ITCH: variants seen among roughly 807,000 people sequenced by gnomAD.
ITCH encodes the protein E3 ubiquitin-protein ligase Itchy homolog.
A neutral mutation model predicts 126.8 loss-of-function variants in ITCH; 28 were observed. The observed-to-expected ratio is 0.22, with a 90% CI of 0.16 to 0.30. The LOEUF (loss-of-function observed/expected upper bound fraction) is 0.30, where lower values mean the gene tolerates loss of function less well. Ranked by LOEUF, ITCH falls within the 10% of genes least tolerant of loss-of-function variation. The pLI, the probability that ITCH is intolerant of heterozygous loss-of-function variation, is 1.00. For missense variants in ITCH, 631 were observed against 1,032.4 expected (o/e 0.61, Z 5.33); for synonymous variants, 342 against 340.0 (o/e 1.01, Z -0.06).
At chr20:34,387,281 C>G (rs887102252) in intron 2 of ITCH, among the ~76,000 whole-genome samples, 1 of 148,174 alleles carries the variant, frequency 6.7e-6, no homozygotes, top group African/African-American at 2.5e-5. Context: ...CCAGCCTGGG[C>G]GACACAGTGA....
chr20:34,379,535 C>G (rs895583250), intron 2 of ITCH, among the ~76,000 whole-genome samples: 1 of 151,684 alleles, frequency 6.6e-6, no homozygotes, highest in African/African-American at 2.4e-5. Context: ...TTTTCTGTCT[C>G]TGTGAATTTA....
At chr20:34,454,977 C>T (rs531550834) in intron 12 of ITCH, among the ~76,000 whole-genome samples, 2 of 151,744 alleles carry the variant, frequency 1.3e-5, no homozygotes, top group South Asian at 4.2e-4. Flanking sequence ...TTACAGATGC[C>T]CACCACCATG....
chr20:34,476,069 G>A, intron 16 of ITCH: 2 of 1,137,850 alleles, frequency 1.8e-6, no homozygotes, highest in East Asian at 2.3e-5. Context: ...TCGAGCATGT[G>A]ATTCTCCTCA....
intron 3 of ITCH, chr20:34,402,593 T>A: frequency 1.5e-6 from 1 of 667,624 alleles, no homozygotes; most frequent in Non-Finnish European, 2.8e-6. Context: ...ATAATTGTTA[T>A]TGCATAGTTG....
chr20:34,401,729 ACT>A, intron 3 of ITCH: 2 of 656,366 alleles, frequency 3.0e-6, no homozygotes, highest in Non-Finnish European at 1.9e-6. Context: ...AAAAAAAAAG[ACT>A]GAAAAACAAA....
chr20:34,413,490 A>G (rs1979347960), intron 5 of ITCH, among the ~76,000 whole-genome samples: 1 of 152,158 alleles, frequency 6.6e-6, no homozygotes, highest in South Asian at 2.1e-4. Context: ...GATGGAATGA[A>G]CATAATAAAC....
At chr20:34,383,000 C>T (rs1191541877) in intron 2 of ITCH, among the ~76,000 whole-genome samples, 1 of 151,980 alleles carries the variant, frequency 6.6e-6, no homozygotes, top group Non-Finnish European at 1.5e-5. Flanking sequence ...CCTCGGCCTC[C>T]CAAAATGCTG....
At position 34,369,195 on chromosome 20, in the gene ITCH, G is replaced by A. The variant is rs1157945603; in HGVS notation, c.-98-199G>A. ...ATACGAAAGTTAGCCAGGCGTGGGG[G>A]TGCACGCCCGTAGTGTAGTCCCAGC... On this transcript the variant is annotated intron_variant, in intron 1 of 24. Coordinates refer to ENST00000374864, the MANE Select transcript of ITCH (RefSeq NM_031483.7). Among the ~76,000 whole-genome samples the A allele has an allele frequency of 2.0e-5, 3 of 152,098 alleles. No homozygotes were observed. The South Asian group carries it at 6.2e-4, about 32-fold the overall frequency.
intron 2 of ITCH, among the ~76,000 whole-genome samples, chr20:34,383,089 G>T (rs974547273): frequency 6.6e-6 from 1 of 151,316 alleles, no homozygotes; most frequent in African/African-American, 2.4e-5. Context: ...TTGCTCAGCC[G>T]GGAATGCAGT....
intron 3 of ITCH, among the ~76,000 whole-genome samples, chr20:34,408,416 T>C (rs1437407034): frequency 3.3e-5 from 5 of 152,198 alleles, no homozygotes; most frequent in African/African-American, 1.2e-4. Context: ...GGACTTTTGA[T>C]ACCATGGAAT....
intron 20 of ITCH, among the ~76,000 whole-genome samples, chr20:34,483,873 A>G (rs577786075): frequency 3.3e-5 from 5 of 152,340 alleles, no homozygotes; most frequent in Non-Finnish European, 7.3e-5. Context: ...ATGGACTTAC[A>G]GTTCCACATG....
intron 7 of ITCH, among the ~76,000 whole-genome samples, chr20:34,430,995 G>T (rs1359858179): frequency 6.6e-6 from 1 of 152,184 alleles, no homozygotes; most frequent in African/African-American, 2.4e-5. Context: ...ACAGGACTTA[G>T]ATACTGAGTG....
chr20:34,464,730 A>G (rs905048101), intron 14 of ITCH, among the ~76,000 whole-genome samples: 14 of 149,132 alleles, frequency 9.4e-5, no homozygotes, highest in African/African-American at 2.7e-4. Flanking sequence ...TTTTTTTTGT[A>G]GATAGAGTCT....
intron 7 of ITCH, among the ~76,000 whole-genome samples, chr20:34,426,884 C>T (rs1054567150): frequency 1.3e-3 from 192 of 152,116 alleles, no homozygotes; most frequent in African/African-American, 4.0e-3. Context: ...AAGCAATTCT[C>T]CTGGCTCAGC....
chr20:34,432,551 A>G (rs921655432), intron 7 of ITCH, among the ~76,000 whole-genome samples: 13 of 152,214 alleles, frequency 8.5e-5, no homozygotes, highest in Admixed American at 6.5e-4. Flanking sequence ...TTTGCTTACC[A>G]AATTGGCAAA....
chr20:34,413,253 A>G (rs1212964581), intron 5 of ITCH, among the ~76,000 whole-genome samples: 1 of 152,200 alleles, frequency 6.6e-6, no homozygotes, highest in East Asian at 1.9e-4. Flanking sequence ...ATGTATATTT[A>G]TATAATGTAG....
intron 22 of ITCH, among the ~76,000 whole-genome samples, chr20:34,492,144 A>G (rs1446501348): frequency 6.6e-6 from 1 of 152,238 alleles, no homozygotes; most frequent in Admixed American, 6.5e-5. Flanking sequence ...TTATATAAGG[A>G]AAGGTTGATG....
chr20:34,475,410 C>T (rs1366339199), intron 16 of ITCH, among the ~76,000 whole-genome samples: 2 of 152,118 alleles, frequency 1.3e-5, no homozygotes, highest in Admixed American at 6.5e-5. Flanking sequence ...CCCGGCACCT[C>T]GGGAGGCCAA....
chr20:34,477,805 C>T lies in ITCH; in HGVS notation c.1603C>T (p.Arg535Cys), dbSNP rs764160233. ...CTTCAGTCCCCAAGATCTGCGAAGA[C>T]GTTTGTGGGTGATTTTTCCAGGAGA... ...MSFSPQDLRRRLWVIFPGEEG... is the reference protein window; with the variant it reads ...MSFSPQDLRRCLWVIFPGEEG... Residue 535 changes from arginine (R) to cysteine (C), a missense_variant, in exon 17 of 25, where the codon CGT becomes TGT. Physicochemically the swap from Arg to Cys is radical, Grantham distance 180. Transcript: ENST00000374864. 8 of 1,613,368 alleles carry T rather than the reference C, an allele frequency of 5.0e-6. No individual in the cohort carries two copies. Among genetic ancestry groups the T allele is most frequent in the Non-Finnish European group, 6.8e-6 (8 of 1,179,608 alleles).
Sources: allele counts gnomAD v4.1 joint callset (sites outside exome capture counted in the v4.1 genomes callset), GRCh38; gene constraint gnomAD v4.1.1; transcripts MANE v1.5; gene names NCBI Gene and HGNC (gene_info 2026-07-23, HGNC 2026-07-21).